Variants in EXPH5 observed in about 807,000 individuals in gnomAD.
The protein encoded by EXPH5 is exophilin-5.
A neutral mutation model predicts 41.1 loss-of-function variants in EXPH5; 42 were observed. That is an observed-to-expected ratio of 1.02 (90% CI 0.80 to 1.32). The LOEUF (loss-of-function observed/expected upper bound fraction) is 1.32, where lower values mean the gene tolerates loss of function less well. EXPH5 is among the 40% of genes most tolerant of loss of function. EXPH5 has a pLI of 0.00. For missense variants in EXPH5, 2,298 were observed against 2,314.5 expected, an observed-to-expected ratio of 0.99 and a Z score of 0.15; for synonymous variants, 798 against 833.5, an observed-to-expected ratio of 0.96 and a Z score of 0.73.
In EXPH5 at chr11:108,509,752, G is replaced by T. The variant is rs143966477; in HGVS notation, c.5755C>A (p.Pro1919Thr). The T allele has an allele frequency of 5.6e-6, 9 of 1,606,840 alleles. No homozygotes were observed. The highest frequency in any genetic ancestry group is 4.2e-6 in the Non-Finnish European group (5 of 1,177,986). ...CTCAAATCATCTTTTAGGAAGCCAG[G>T]GTTCTTAAGAAAACTTGGTTTCCAT... is the stretch of plus-strand genomic sequence containing the variant. ...RLWKPSFLKN[P>T]GFLKDDLRNP... The change falls in exon 6 of 6, where the codon CCT becomes ACT. Residue 1919 changes from proline (P) to threonine (T), a missense_variant. By Grantham distance (38) the Pro-to-Thr change is conservative. Transcript: ENST00000265843.
At chr11:108,526,789 A>G (rs2093802383) in intron 4 of EXPH5, among the ~76,000 whole-genome samples, 1 of 152,156 alleles carries the variant, frequency 6.6e-6, no homozygotes, top group Non-Finnish European at 1.5e-5. Flanking sequence ...CTTGAGCATG[A>G]TCTTTAACTC....
intron 1 of EXPH5, among the ~76,000 whole-genome samples, chr11:108,549,176 A>C (rs534039587): frequency 1.1e-4 from 16 of 152,352 alleles, no homozygotes; most frequent in Admixed American, 2.0e-4. Context: ...ACATATCACA[A>C]GGGACTGTTG....
chr11:108,555,041 T>C (rs747814721), intron 1 of EXPH5, among the ~76,000 whole-genome samples: 1 of 152,208 alleles, frequency 6.6e-6, no homozygotes, highest in Non-Finnish European at 1.5e-5. Context: ...GATTTCTATG[T>C]CGTACTTAAA....
chr11:108,583,109 G>A (rs749688994), intron 1 of EXPH5, among the ~76,000 whole-genome samples: 2 of 152,044 alleles, frequency 1.3e-5, no homozygotes, highest in East Asian at 1.9e-4. Context: ...ATCGCCAGGC[G>A]CAGTGGCTCA....
At chr11:108,575,713 C>A (rs1166826787) in intron 1 of EXPH5, among the ~76,000 whole-genome samples, 1 of 152,192 alleles carries the variant, frequency 6.6e-6, no homozygotes, top group African/African-American at 2.4e-5. Flanking sequence ...GTGGCTCATG[C>A]CTGTAATCCC....
intron 1 of EXPH5, among the ~76,000 whole-genome samples, chr11:108,543,596 G>C (rs909230626): frequency 6.6e-6 from 1 of 152,196 alleles, no homozygotes; most frequent in Non-Finnish European, 1.5e-5. Flanking sequence ...ACAAGTGTTA[G>C]GGTCTTTGTA....
intron 1 of EXPH5, among the ~76,000 whole-genome samples, chr11:108,559,872 A>G (rs1372026472): frequency 1.3e-5 from 2 of 152,328 alleles, no homozygotes; most frequent in African/African-American, 2.4e-5. Context: ...ACTGTAATTA[A>G]AATCCACTAT....
Position 108,512,084 on chromosome 11 carries a change from C to CT in EXPH5, c.3422dup (p.Pro1142AlafsTer10). The CT allele has an allele frequency of 6.2e-7, 1 of 1,612,614 alleles. No individual in the cohort carries two copies. The highest frequency in any genetic ancestry group is 2.2e-5 in the East Asian group (1 of 44,874). ...AAGCATCCATGCCTGAGGTCAATGG[C>CT]TTTTTTCTTCCTTCTCTTCCAGTTG... is the stretch of plus-strand genomic sequence containing the variant. On this transcript the variant is annotated frameshift_variant, in exon 6 of 6. Transcript: ENST00000265843. LOFTEE classifies it low-confidence loss of function (END_TRUNC).
rs569763390 is a variant in EXPH5 at position 108,512,763 on chromosome 11, T to A, written c.2744A>T (p.Asp915Val). 6.2e-7 allele frequency: 1 copy of A among 1,613,928 alleles called. No homozygotes were observed. Among genetic ancestry groups the A allele is most frequent in the African/African-American group, 1.3e-5 (1 of 75,036 alleles). ...VFSRRSPSDKDPSLGEREEKD... is the reference protein window; with the variant it reads ...VFSRRSPSDKVPSLGEREEKD... The stretch of plus-strand genomic sequence containing the variant: ...TTCTTCTCTTTCTCCTAGCGATGGA[T>A]CTTTGTCTGAAGGACTTCTCCTGGA... Residue 915 changes from aspartate to valine, a missense_variant, in exon 6 of 6, where the codon GAT (aspartate) becomes GTT (valine). Coordinates refer to ENST00000265843, the MANE Select transcript of EXPH5 (RefSeq NM_015065.3).
At position 108,510,941 on chromosome 11, in the gene EXPH5, C is replaced by G; in HGVS notation, c.4566G>C (p.Glu1522Asp). ...PALHKLQLGE[E>D]TQSDEPNLES... ...CTAAGTTTGGTTCATCTGACTGAGT[C>G]TCCTCACCAAGCTGTAGTTTATGCA... The change falls in exon 6 of 6, where the codon GAG (glutamate) becomes GAC (aspartate). Residue 1522 changes from glutamate (E) to aspartate (D), a missense_variant. Physicochemically the swap from Glu to Asp is conservative, Grantham distance 45. Transcript: ENST00000265843. 5 of 1,614,042 alleles carry G rather than the reference C, an allele frequency of 3.1e-6. No homozygotes were observed. Among genetic ancestry groups the G allele is most frequent in the Non-Finnish European group, 4.2e-6 (5 of 1,179,972 alleles).
chr11:108,563,658 G>C lies in EXPH5; in HGVS notation c.120-21846C>G, dbSNP rs141913983. Among the ~76,000 whole-genome samples the C allele has an allele frequency of 7.3e-3, 1,114 of 152,276 alleles. 18 individuals are homozygous for C. Among genetic ancestry groups the C allele is most frequent in the Non-Finnish European group, 8.8e-3 (596 of 68,034 alleles). ...TCACAACCATTCTAGTCAAGCAACAGCTTTTCTGCATGTGCCTTCCATCCA... is the reference window on the plus strand; with the variant it reads ...TCACAACCATTCTAGTCAAGCAACACCTTTTCTGCATGTGCCTTCCATCCA... On this transcript the variant is annotated intron_variant, in intron 1 of 5. Coordinates refer to ENST00000265843, the MANE Select transcript of EXPH5 (RefSeq NM_015065.3).
intron 4 of EXPH5, 41 bp downstream of exon 4, chr11:108,528,095 C>G (rs1284972247): frequency 5.1e-6 from 7 of 1,376,632 alleles, no homozygotes; most frequent in Non-Finnish European, 6.2e-6. Flanking sequence ...TACATAAATT[C>G]TGAATTTCTT....
At chr11:108,558,514 T>C (rs1432753083) in intron 1 of EXPH5, among the ~76,000 whole-genome samples, 1 of 152,230 alleles carries the variant, frequency 6.6e-6, no homozygotes, top group East Asian at 1.9e-4. Flanking sequence ...CTGTCTCCCT[T>C]GGGCCTCTGT....
At chr11:108,558,149 T>C (rs1591736673) in intron 1 of EXPH5, among the ~76,000 whole-genome samples, 1 of 151,728 alleles carries the variant, frequency 6.6e-6, no homozygotes, top group Non-Finnish European at 1.5e-5. Flanking sequence ...CACCATGTTG[T>C]CCAGGCTGGT....
chr11:108,517,830 C>G (rs565054270), intron 5 of EXPH5, among the ~76,000 whole-genome samples: 34 of 152,024 alleles, frequency 2.2e-4, no homozygotes, highest in African/African-American at 8.0e-4. Context: ...ATGATCTCGG[C>G]TCATTGCAAC....
At chr11:108,527,646 C>T (rs947933130) in intron 4 of EXPH5, among the ~76,000 whole-genome samples, 1 of 152,098 alleles carries the variant, frequency 6.6e-6, no homozygotes, top group Non-Finnish European at 1.5e-5. Flanking sequence ...TGTCAGCATC[C>T]GAACATGGTG....
chr11:108,514,837 A>G lies in EXPH5; in HGVS notation c.670T>C (p.Ser224Pro), dbSNP rs769161651. The change falls in exon 6 of 6, where the codon TCT becomes CCT. Residue 224 changes from serine (S) to proline (P), a missense_variant. By Grantham distance (74) the Ser-to-Pro change is moderately conservative (BLOSUM62 -1). Transcript: ENST00000265843. ...DLDSKLAQEQ[S>P]ASSVNTRTPL... ...GTTCTGGTATTCACTGAGCTTGCAG[A>G]CTGTTCCTGAGCCAATTTGCTATCC... is the stretch of plus-strand genomic sequence containing the variant. 7 of 1,533,112 alleles carry G rather than the reference A, an allele frequency of 4.6e-6. No individual in the cohort carries two copies. The South Asian group carries it at 9.4e-5, about 21-fold the overall frequency. The allele number at this position is 1,533,112 out of a possible 1,614,324, so 95.0% of individuals were successfully genotyped here. A position where few individuals can be genotyped will look rare whatever the true frequency, so the allele number is the denominator to read the frequency against.
rs1035126855 is a variant in EXPH5, at chr11:108,512,026, T to C, written c.3481A>G (p.Ile1161Val). 6.3e-7 allele frequency: 1 copy of C among 1,594,446 alleles called. No homozygotes were observed. Among genetic ancestry groups the C allele is most frequent in the Non-Finnish European group, 8.5e-7 (1 of 1,173,550 alleles). ...GATGAGTCACTTTCCACAGGGCTAA[T>C]GATTCTCTCCCAAGCCCTTGGTGTT... The part of the protein sequence containing the change: ...ELTPRAWERI[I>V]SPVESDSSVR... The change falls in exon 6 of 6, where the codon ATT becomes GTT. Residue 1161 changes from isoleucine (I) to valine (V), a missense_variant. Physicochemically the swap from Ile to Val is conservative, Grantham distance 29. Transcript: ENST00000265843.
At chr11:108,575,646 C>A (rs148637854) in intron 1 of EXPH5, among the ~76,000 whole-genome samples, 2,022 of 152,256 alleles carry the variant, frequency 0.013, 55 homozygotes, top group African/African-American at 0.045. Flanking sequence ...TCATAAATAA[C>A]AAAAATACCT....
Sources: allele counts gnomAD v4.1 joint callset (sites outside exome capture counted in the v4.1 genomes callset), GRCh38; gene constraint gnomAD v4.1.1; transcripts MANE v1.5; gene names NCBI Gene and HGNC (gene_info 2026-07-23, HGNC 2026-07-21).